Variants in PRPS1 observed in about 807,000 individuals in gnomAD.
The protein encoded by PRPS1 is phosphoribosyl pyrophosphate synthetase 1.
PRPS1 carries 1 observed loss-of-function variant against 16.9 expected under a neutral mutation model. That is an observed-to-expected ratio of 0.06 (90% CI 0.02 to 0.28). The LOEUF is 0.28. Among genes scored for constraint, PRPS1 ranks in the 10% least tolerant of loss-of-function variants. PRPS1 has a pLI of 1.00. For missense variants in PRPS1, 47 were observed against 254.0 expected (o/e 0.19, Z 5.54); for synonymous variants, 70 against 90.2 (o/e 0.78, Z 1.27).
chrX:107,639,545 T>C, intron 2 of PRPS1, 67 bp downstream of exon 2: 1 of 1,068,713 alleles, frequency 9.4e-7, no homozygotes, highest in South Asian at 1.9e-5. Context: ...ACAAATAAAT[T>C]CCAAAATTAT....
intron 6 of PRPS1, among the ~76,000 whole-genome samples, chrX:107,648,292 T>A (rs755544192): frequency 2.0e-4 from 22 of 112,156 alleles, no homozygotes; most frequent in Non-Finnish European, 3.8e-4. Flanking sequence ...TTAAAGTAAT[T>A]CCCCAAGTAA....
chrX:107,642,313 A>G (rs1193035570), intron 3 of PRPS1, 53 bp from the exon 4 acceptor site: 8 of 1,204,967 alleles, frequency 6.6e-6, no homozygotes, highest in Middle Eastern at 2.4e-4. Flanking sequence ...TTTGCCATTT[A>G]TAAATGGAAG....
chrX:107,638,210 A>T (rs1309416596), intron 1 of PRPS1, among the ~76,000 whole-genome samples: 3 of 110,856 alleles, frequency 2.7e-5, no homozygotes, highest in Non-Finnish European at 3.8e-5. Flanking sequence ...CCCGGGTTCA[A>T]GTGATTCTCC....
intron 1 of PRPS1, among the ~76,000 whole-genome samples, chrX:107,629,594 T>G (rs990473718): frequency 3.6e-5 from 4 of 112,199 alleles, no homozygotes; most frequent in African/African-American, 9.7e-5. Context: ...GAAACAATTT[T>G]ATACCTGAAT....
chrX:107,647,963 C>T (rs768583187), intron 6 of PRPS1, among the ~76,000 whole-genome samples, 198 bp downstream of exon 6: 1 of 110,846 alleles, frequency 9.0e-6, no homozygotes, highest in East Asian at 2.8e-4. Context: ...ACTGCCAAGC[C>T]TTGGGAAAAT....
chrX:107,647,190 T>A (rs945084086), intron 5 of PRPS1, among the ~76,000 whole-genome samples: 1 of 112,725 alleles, frequency 8.9e-6, no homozygotes, highest in Admixed American at 9.3e-5. Flanking sequence ...AATGCCCTTA[T>A]AAGAAGAGAA....
At chrX:107,637,954 T>A (rs910890955) in intron 1 of PRPS1, among the ~76,000 whole-genome samples, 2 of 105,724 alleles carry the variant, frequency 1.9e-5, no homozygotes, top group African/African-American at 7.0e-5. Flanking sequence ...ATATATATTT[T>A]TTTGATATGG....
intron 1 of PRPS1, among the ~76,000 whole-genome samples, chrX:107,629,761 T>C (rs1302952890): frequency 8.9e-6 from 1 of 111,773 alleles, no homozygotes; most frequent in Non-Finnish European, 1.9e-5. Flanking sequence ...AGAGATGACT[T>C]GGTTACCTGA....
chrX:107,629,105 C>T (rs1372550525), intron 1 of PRPS1, among the ~76,000 whole-genome samples: 1 of 111,151 alleles, frequency 9.0e-6, no homozygotes, highest in Non-Finnish European at 1.9e-5. Flanking sequence ...GTTGAGCCAC[C>T]CAGGCTGGAC....
rs1329841317 is a variant in PRPS1 at position 107,650,549 on chromosome X, T to TG, written c.*523dup. ...CAGCTCAGCTTGAGCAGACATTGGG[T>TG]GGGGGGTGGGGGGTGGTTGAGGGGG... On this transcript the variant is annotated 3_prime_UTR_variant, in exon 7 of 7. Transcript: ENST00000372435. 1 of 29,495 alleles carries TG rather than the reference T, an allele frequency of 3.4e-5. No individual in the cohort carries two copies. The highest frequency in any genetic ancestry group is 5.9e-5 in the Non-Finnish European group (1 of 16,982). 2.4% of individuals were successfully genotyped at this position (29,495 alleles called of 1,213,427 possible).
At chrX:107,633,546 T>A (rs924283630) in intron 1 of PRPS1, among the ~76,000 whole-genome samples, 1 of 111,933 alleles carries the variant, frequency 8.9e-6, no homozygotes, top group African/African-American at 3.2e-5. Flanking sequence ...AAGTGATTTT[T>A]ATTTATTTTT....
At chrX:107,647,567 CAAGT>C (rs762471506) in intron 5 of PRPS1, 35 bp from the exon 6 acceptor site, 14 of 1,201,733 alleles carry the variant, frequency 1.2e-5, no homozygotes, top group Non-Finnish European at 1.6e-5. Flanking sequence ...TCTGCAATGA[CAAGT>C]AAGATGAATC....
chrX:107,636,128 T>C (rs1047402251), intron 1 of PRPS1, among the ~76,000 whole-genome samples: 5 of 108,615 alleles, frequency 4.6e-5, no homozygotes, highest in African/African-American at 1.7e-4. Flanking sequence ...GTTTGTTTTG[T>C]TTTGTTTGGT....
At chrX:107,633,454 G>A (rs1925357321) in intron 1 of PRPS1, among the ~76,000 whole-genome samples, 1 of 107,688 alleles carries the variant, frequency 9.3e-6, no homozygotes, top group Non-Finnish European at 1.9e-5. Context: ...TTGGCTTTGA[G>A]AAATAGCTGA....
intron 2 of PRPS1, among the ~76,000 whole-genome samples, chrX:107,639,902 CTA>C (rs1213763918): frequency 8.9e-6 from 1 of 112,085 alleles, no homozygotes; most frequent in Non-Finnish European, 1.9e-5. Flanking sequence ...GATAGATAAA[CTA>C]TATATATCTC....
chrX:107,646,861 A>C (rs1925707168), intron 5 of PRPS1, among the ~76,000 whole-genome samples: 1 of 112,488 alleles, frequency 8.9e-6, no homozygotes, highest in Non-Finnish European at 1.9e-5. Flanking sequence ...CCCACATTTT[A>C]ATAGCCAGAA....
At chrX:107,632,256 G>A (rs1300689535) in intron 1 of PRPS1, among the ~76,000 whole-genome samples, 1 of 112,157 alleles carries the variant, frequency 8.9e-6, no homozygotes, top group South Asian at 3.6e-4. Context: ...TTCAATATTT[G>A]TAAATAACTT....
chrX:107,650,915 C>A lies in PRPS1; in HGVS notation c.*883C>A. The A allele has an allele frequency of 3.8e-6, 1 of 263,872 alleles. No individual in the cohort carries two copies. The highest frequency in any genetic ancestry group is 6.7e-6 in the Non-Finnish European group (1 of 149,278). The allele number at this position is 263,872 out of a possible 1,213,427, so 21.7% of individuals were successfully genotyped here. A position where few individuals can be genotyped will look rare whatever the true frequency, so the allele number is the denominator to read the frequency against. On this transcript the variant is annotated 3_prime_UTR_variant, in exon 7 of 7. Coordinates refer to ENST00000372435, the MANE Select transcript of PRPS1 (RefSeq NM_002764.4). Reference sequence around the variant, plus strand: ...ATTAATTTAAGTATTTAATTTTCATCTTCCTTCTTTGGATCTATTTGGCCT... The same window carrying A: ...ATTAATTTAAGTATTTAATTTTCATATTCCTTCTTTGGATCTATTTGGCCT...
At chrX:107,645,025 A>C (rs1299183468) in intron 4 of PRPS1, 152 bp from the exon 5 acceptor site, 3 of 606,600 alleles carry the variant, frequency 4.9e-6, no homozygotes, top group Non-Finnish European at 8.3e-6. Context: ...TGTGTTAGCC[A>C]GGATGGTCTC....
Sources: allele counts gnomAD v4.1 joint callset (sites outside exome capture counted in the v4.1 genomes callset), GRCh38; gene constraint gnomAD v4.1.1; transcripts MANE v1.5; gene names NCBI Gene and HGNC (gene_info 2026-07-23, HGNC 2026-07-21).